LNPK: variants seen among roughly 807,000 people sequenced by gnomAD.
The protein encoded by LNPK is lunapark, ER junction formation factor.
In LNPK, 29 loss-of-function variants were observed where a neutral mutation model predicts 55.2. That is an observed-to-expected ratio of 0.53 (90% CI 0.39 to 0.72). The LOEUF (loss-of-function observed/expected upper bound fraction) is 0.72. Ranked by LOEUF, LNPK falls within the 30% of genes least tolerant of loss-of-function variation. The pLI, the probability that LNPK is intolerant of heterozygous loss-of-function variation, is 0.00. For synonymous variants in LNPK, 162 were observed against 168.2 expected (o/e 0.96, Z 0.29); for missense variants, 467 against 494.8 (o/e 0.94, Z 0.53).
intron 8 of LNPK, among the ~76,000 whole-genome samples, chr2:175,948,416 T>C (rs776518954): frequency 2.0e-5 from 3 of 152,248 alleles, no homozygotes; most frequent in Non-Finnish European, 4.4e-5. Flanking sequence ...TTACAGATTG[T>C]CTATGGCTGC....
At chr2:175,938,467 T>A in intron 10 of LNPK, 84 bp from the exon 11 acceptor site, 1 of 633,950 alleles carries the variant, frequency 1.6e-6, no homozygotes, top group Non-Finnish European at 2.7e-6. Context: ...TCATGGCTAA[T>A]TTATATTTTA....
intron 12 of LNPK, among the ~76,000 whole-genome samples, chr2:175,931,233 G>A: frequency 6.6e-6 from 1 of 152,194 alleles, no homozygotes; most frequent in Middle Eastern, 3.4e-3. Context: ...GATTTCTTAC[G>A]ATATACTACA....
chr2:175,934,011 A>G (rs1169276833), intron 12 of LNPK, among the ~76,000 whole-genome samples: 1 of 152,210 alleles, frequency 6.6e-6, no homozygotes, highest in Non-Finnish European at 1.5e-5. Flanking sequence ...TACAGGCGTG[A>G]GCCACCGTGC....
rs1683904094 is a variant in LNPK at position 175,924,052 on chromosome 2, T to C, written c.*5915A>G. ...TAATTTTGAAACAAGTCAAATTACA[T>C]AACTGTAACATACAGCAGATCACCA... On this transcript the variant is annotated 3_prime_UTR_variant, in exon 13 of 13. Coordinates refer to ENST00000272748, the MANE Select transcript of LNPK (RefSeq NM_030650.3). 1 of 152,210 alleles carries C rather than the reference T, an allele frequency of 6.6e-6. No homozygotes were observed. Among genetic ancestry groups the C allele is most frequent in the South Asian group, 2.1e-4 (1 of 4,836 alleles). 9.4% of individuals were successfully genotyped at this position (152,210 alleles called of 1,614,324 possible). A position where few individuals can be genotyped will look rare whatever the true frequency, so the allele number is the denominator to read the frequency against.
At chr2:175,955,321 G>C (rs1056878153) in intron 8 of LNPK, among the ~76,000 whole-genome samples, 1 of 152,110 alleles carries the variant, frequency 6.6e-6, no homozygotes, top group Non-Finnish European at 1.5e-5. Context: ...CAACTGACCC[G>C]AGAGAAGTCC....
rs1683948814 is a variant in LNPK at position 175,925,066 on chromosome 2, TTTC to T, written c.*4898_*4900del. 6.6e-6 allele frequency: 1 copy of T among 152,114 alleles called. No individual in the cohort carries two copies. Among genetic ancestry groups the T allele is most frequent in the Admixed American group, 6.5e-5 (1 of 15,274 alleles). 9.4% of individuals were successfully genotyped at this position (152,114 alleles called of 1,614,324 possible). On this transcript the variant is annotated 3_prime_UTR_variant, in exon 13 of 13. Coordinates refer to ENST00000272748, the MANE Select transcript of LNPK (RefSeq NM_030650.3). ...GTCAAACAAACCACATATAGCACCA[TTTC>T]TAAGTCATTTAGGATTTTCGGAAAC...
chr2:175,999,301 C>T (rs1559080815), intron 1 of LNPK, among the ~76,000 whole-genome samples: 1 of 152,176 alleles, frequency 6.6e-6, no homozygotes, highest in African/African-American at 2.4e-5. Context: ...AACATATTAA[C>T]TCCAAGTCCT....
chr2:175,967,997 T>C (rs1014120233), intron 6 of LNPK, among the ~76,000 whole-genome samples: 2 of 152,216 alleles, frequency 1.3e-5, no homozygotes, highest in African/African-American at 4.8e-5. Flanking sequence ...AAATATACTT[T>C]ATACATTTAT....
intron 12 of LNPK, 103 bp from the exon 13 acceptor site, chr2:175,930,302 A>G: frequency 2.0e-6 from 1 of 495,314 alleles, no homozygotes; most frequent in South Asian, 2.3e-5. Flanking sequence ...ACACACACAC[A>G]CACACACACA....
chr2:175,942,790 A>C (rs1053464224), intron 9 of LNPK, among the ~76,000 whole-genome samples: 3 of 151,614 alleles, frequency 2.0e-5, no homozygotes, highest in African/African-American at 7.2e-5. Flanking sequence ...AGCAAATGAA[A>C]CCCAAAGTAC....
chr2:175,937,708 A>T (rs1485968974), intron 11 of LNPK, 194 bp from the exon 12 acceptor site: 2 of 427,460 alleles, frequency 4.7e-6, no homozygotes, highest in African/African-American at 2.0e-5. Context: ...TTAGAATTTT[A>T]ATTTTTAAAA....
At position 175,926,802 on chromosome 2, in the gene LNPK, A is replaced by G. The variant is rs941177703; in HGVS notation, c.*3165T>C. The G allele has an allele frequency of 5.2e-5, 6 of 114,870 alleles. No homozygotes were observed. The East Asian group carries it at 1.3e-3, about 25-fold the overall frequency. The allele number at this position is 114,870 out of a possible 1,614,324, so 7.1% of individuals were successfully genotyped here. A position where few individuals can be genotyped will look rare whatever the true frequency, so the allele number is the denominator to read the frequency against. On this transcript the variant is annotated 3_prime_UTR_variant, in exon 13 of 13. Transcript: ENST00000272748. ...GAATAAAGGGAAAAGAGATGAGTTT[A>G]CAGCTTCTGGCTTAGAGAGTAACTC... is the stretch of plus-strand genomic sequence containing the variant.
intron 2 of LNPK, among the ~76,000 whole-genome samples, chr2:175,993,868 A>T (rs931756551): frequency 5.9e-5 from 9 of 152,156 alleles, no homozygotes; most frequent in Admixed American, 3.3e-4. Flanking sequence ...AGGAATGATT[A>T]CTCAAAAGAA....
chr2:175,994,292 G>C, intron 2 of LNPK: 1 of 981,538 alleles, frequency 1.0e-6, no homozygotes, highest in Non-Finnish European at 1.2e-6. Flanking sequence ...TATTATGAAA[G>C]ACAAAACAAG....
At chr2:175,948,595 G>GT (rs1685257470) in intron 8 of LNPK, among the ~76,000 whole-genome samples, 1 of 152,148 alleles carries the variant, frequency 6.6e-6, no homozygotes, top group African/African-American at 2.4e-5. Flanking sequence ...AATGTCAGTG[G>GT]TAAGATTTCA....
chr2:175,984,997 T>C (rs529968547), intron 4 of LNPK, among the ~76,000 whole-genome samples: 8 of 152,316 alleles, frequency 5.3e-5, no homozygotes, highest in Admixed American at 5.2e-4. Flanking sequence ...TATGATACAT[T>C]AATACCATGG....
At chr2:175,969,298 T>C (rs1342697108) in intron 6 of LNPK, among the ~76,000 whole-genome samples, 16 of 152,356 alleles carry the variant, frequency 1.1e-4, no homozygotes, top group African/African-American at 3.6e-4. Context: ...TTTTCAACTG[T>C]TGTCAGACTT....
intron 4 of LNPK, among the ~76,000 whole-genome samples, chr2:175,982,559 T>C (rs1385999773): frequency 5.9e-5 from 9 of 152,142 alleles, no homozygotes; most frequent in African/African-American, 1.7e-4. Flanking sequence ...AATTCTTTGG[T>C]ATTTTTTGTT....
intron 9 of LNPK, among the ~76,000 whole-genome samples, chr2:175,947,084 C>T (rs1486943447): frequency 1.3e-5 from 2 of 151,770 alleles, no homozygotes; most frequent in Non-Finnish European, 2.9e-5. Context: ...AATATGTTGT[C>T]ATGTTTAAAA....
Sources: gnomAD v4.1 joint callset for allele counts (sites outside exome capture counted in the v4.1 genomes callset) on GRCh38, gnomAD v4.1.1 for gene constraint, MANE v1.5 for transcripts, NCBI Gene and HGNC (gene_info 2026-07-23, HGNC 2026-07-21) for gene names.